Variants in SV2B observed in about 807,000 individuals in gnomAD.
SV2B encodes synaptic vesicle glycoprotein 2B, also known as solute carrier family 22 member B2.
In SV2B, 41 loss-of-function variants were observed where a neutral mutation model predicts 73.9. The ratio of observed to expected loss-of-function variants is 0.56; its 90% CI spans 0.43 to 0.72. The LOEUF (loss-of-function observed/expected upper bound fraction) is 0.72. Ranked by LOEUF, SV2B falls within the 30% of genes least tolerant of loss-of-function variation. The pLI is 0.00. For missense variants in SV2B, 764 were observed against 857.8 expected, an observed-to-expected ratio of 0.89 and a Z score of 1.37; for synonymous variants, 314 against 314.2, an observed-to-expected ratio of 1.00 and a Z score of 0.01.
chr15:91,281,103 A>G lies in SV2B; in HGVS notation c.1374-625A>G, dbSNP rs1276356666. ...CATTGTTGTTACAAGCAGTGTTACA[A>G]TGAAGATCAGTGAATGTATCTCTTT... On this transcript the variant is annotated intron_variant, in intron 9 of 12. Transcript: ENST00000394232. This position sits in a 1 kb window ranked among gnomAD's most constrained non-coding sequence, Gnocchi z 4.7. Among the ~76,000 whole-genome samples the G allele has an allele frequency of 6.6e-6, 1 of 152,254 alleles. No homozygotes were observed. Among genetic ancestry groups the G allele is most frequent in the Non-Finnish European group, 1.5e-5 (1 of 68,044 alleles).
At position 91,118,753 on chromosome 15, in the gene SV2B, G is replaced by T. The variant is rs2042246803; in HGVS notation, c.-392+18390G>T. The stretch of plus-strand genomic sequence containing the variant: ...CCAAACCAGAGCCATGCCAGGGAGG[G>T]ACATCTCTCTGTCATCATCATCATA... On this transcript the variant is annotated intron_variant, in intron 1 of 12. Transcript: ENST00000394232. The surrounding 1 kb of genome is among the most constrained non-coding windows in gnomAD (Gnocchi z 4.7). 1.3e-5 allele frequency among the ~76,000 whole-genome samples: 2 copies of T among 152,210 alleles called. No homozygotes were observed. The highest frequency in any genetic ancestry group is 6.5e-5 in the Admixed American group (1 of 15,278).
In SV2B at chr15:91,129,728, T is replaced by TAA. The variant is rs1403237203; in HGVS notation, c.-392+29366_-392+29367dup. On this transcript the variant is annotated intron_variant, in intron 1 of 12. Transcript: ENST00000394232. This position sits in a 1 kb window ranked among gnomAD's most constrained non-coding sequence, Gnocchi z 5.1. ...ATACGGTCTGTGGATGGAGGCAGTA[T>TAA]AACTTCGTGGCTTCTGGCCTGTGCC... 2.0e-5 allele frequency among the ~76,000 whole-genome samples: 3 copies of TAA among 152,304 alleles called. No homozygotes were observed. Among genetic ancestry groups the TAA allele is most frequent in the African/African-American group, 7.2e-5 (3 of 41,570 alleles).
At position 91,216,476 on chromosome 15, in the gene SV2B, G is replaced by GT. The variant is rs200164286; in HGVS notation, c.-391-9390dup. On this transcript the variant is annotated intron_variant, in intron 1 of 12. Coordinates refer to ENST00000394232, the MANE Select transcript of SV2B (RefSeq NM_001323032.3). ...ATTTTCTTTCTTTTCTTTTTTTTTT[G>GT]TTTTTTTGTTTTTTGAGATGGAGTC... is the stretch of plus-strand genomic sequence containing the variant. Among the ~76,000 whole-genome samples the GT allele has an allele frequency of 6.8e-4, 102 of 148,966 alleles. No homozygotes were observed. The East Asian group carries it at 7.2e-3, about 11-fold the overall frequency.
intron 1 of SV2B, among the ~76,000 whole-genome samples, chr15:91,207,091 C>T (rs1041056131): frequency 2.6e-5 from 4 of 151,718 alleles, no homozygotes; most frequent in Non-Finnish European, 5.9e-5. Flanking sequence ...AGCATGAGAT[C>T]CTAGCTCTCA....
intron 1 of SV2B, among the ~76,000 whole-genome samples, chr15:91,203,095 A>G (rs2045517513): frequency 6.6e-6 from 1 of 152,204 alleles, no homozygotes; most frequent in Non-Finnish European, 1.5e-5. Flanking sequence ...GTGCCTGCCT[A>G]AGAACCTCTA....
At position 91,294,457 on chromosome 15, in the gene SV2B, T is replaced by C. The variant is rs2049151391; in HGVS notation, c.*1905T>C. 2 of 152,080 alleles carry C rather than the reference T, an allele frequency of 1.3e-5. No homozygotes were observed. The highest frequency in any genetic ancestry group is 4.1e-4 in the South Asian group (2 of 4,822). 9.4% of individuals were successfully genotyped at this position (152,080 alleles called of 1,614,324 possible). ...CTGGACACCCTGATTCCTCCAAATATATATACCACTGTGTATTAATCTTTC... is the reference window on the plus strand; with the variant it reads ...CTGGACACCCTGATTCCTCCAAATACATATACCACTGTGTATTAATCTTTC... On this transcript the variant is annotated 3_prime_UTR_variant, in exon 13 of 13. Coordinates refer to ENST00000394232, the MANE Select transcript of SV2B (RefSeq NM_001323032.3). This position sits in a 1 kb window ranked among gnomAD's most constrained non-coding sequence, Gnocchi z 4.1.
At chr15:91,207,870 C>T (rs2045701831) in intron 1 of SV2B, among the ~76,000 whole-genome samples, 1 of 152,140 alleles carries the variant, frequency 6.6e-6, no homozygotes, top group Non-Finnish European at 1.5e-5. Flanking sequence ...ACAATTCTCC[C>T]TCTCAGGTAT....
Position 91,226,575 on chromosome 15 carries a change from T to C in SV2B, c.312T>C (p.His104=). 1 of 1,614,206 alleles carries C rather than the reference T, an allele frequency of 6.2e-7. No homozygotes were observed. Among genetic ancestry groups the C allele is most frequent in the South Asian group, 1.1e-5 (1 of 91,082 alleles). Residue 104 remains histidine (H), a synonymous_variant, in exon 2 of 13, where the codon CAT becomes CAC. Transcript: ENST00000394232. The stretch of plus-strand genomic sequence containing the variant: ...AGACCATCATGGATGAGTGTGGCCA[T>C]GGCCGCTTCCAGTGGATCCTCTTTT... The part of the protein sequence containing the change: ...QYETIMDECG[H]GRFQWILFFV...
chr15:91,210,265 G>T (rs2045806729), intron 1 of SV2B, among the ~76,000 whole-genome samples: 1 of 152,046 alleles, frequency 6.6e-6, no homozygotes, highest in South Asian at 2.1e-4. Flanking sequence ...GTTTCCAGAG[G>T]CTGGGAGAGC....
chr15:91,134,327 T>C (rs1003759), intron 1 of SV2B, among the ~76,000 whole-genome samples: 61,438 of 151,856 alleles, frequency 0.4, 13,737 homozygotes, highest in African/African-American at 0.56. Context: ...ATCACTCAAC[T>C]TCTTCTTTCC....
chr15:91,166,658 T>A (rs1475774571), intron 1 of SV2B, among the ~76,000 whole-genome samples: 1 of 152,080 alleles, frequency 6.6e-6, no homozygotes, highest in Admixed American at 6.5e-5. Flanking sequence ...TTTTATATCC[T>A]CTATTATTCA....
rs1323081595 is a variant in SV2B, at chr15:91,121,932, C to A, written c.-392+21569C>A. On this transcript the variant is annotated intron_variant, in intron 1 of 12. Coordinates refer to ENST00000394232, the MANE Select transcript of SV2B (RefSeq NM_001323032.3). This position sits in a 1 kb window ranked among gnomAD's most constrained non-coding sequence, Gnocchi z 4.4. ...TGGGACTACAGGTGCCTGCCACCAC[C>A]CCCAGCTAATTTTTTGTATTTTTAG... Among the ~76,000 whole-genome samples the A allele has an allele frequency of 6.6e-6, 1 of 151,870 alleles. No homozygotes were observed. The highest frequency in any genetic ancestry group is 1.5e-5 in the Non-Finnish European group (1 of 67,962).
chr15:91,226,628 A>G lies in SV2B; in HGVS notation c.365A>G (p.Asp122Gly). The G allele has an allele frequency of 6.2e-7, 1 of 1,614,064 alleles. No homozygotes were observed. Among genetic ancestry groups the G allele is most frequent in the Non-Finnish European group, 8.5e-7 (1 of 1,179,984 alleles). Residue 122 changes from aspartate (D) to glycine (G), a missense_variant, in exon 2 of 13, where the codon GAT becomes GGT. By Grantham distance (94) the Asp-to-Gly change is moderately conservative. Coordinates refer to ENST00000394232, the MANE Select transcript of SV2B (RefSeq NM_001323032.3). Reference sequence around the variant, plus strand: ...GTCTTGGGTTTGGCCCTGATGGCCGATGGGGTGGAAGTGTTCGTGGTGAGT... The same window carrying G: ...GTCTTGGGTTTGGCCCTGATGGCCGGTGGGGTGGAAGTGTTCGTGGTGAGT... The part of the protein sequence containing the change: ...FFVLGLALMA[D>G]GVEVFVVSFA...
chr15:91,199,334 C>T (rs1396087942), intron 1 of SV2B, among the ~76,000 whole-genome samples: 1 of 152,078 alleles, frequency 6.6e-6, no homozygotes, highest in Non-Finnish European at 1.5e-5. Flanking sequence ...AGGGGGCAGA[C>T]CCAGGTCTAA....
intron 1 of SV2B, among the ~76,000 whole-genome samples, chr15:91,111,628 T>C (rs2151728843): frequency 6.6e-6 from 1 of 152,218 alleles, no homozygotes; most frequent in East Asian, 1.9e-4. Flanking sequence ...CATGTAGACC[T>C]GAAAATGCAT....
rs1264433748 is a variant in SV2B, at chr15:91,295,726, TG to T, written c.*3175del. 6.6e-6 allele frequency: 1 copy of T among 152,190 alleles called. No individual in the cohort carries two copies. Among genetic ancestry groups the T allele is most frequent in the African/African-American group, 2.4e-5 (1 of 41,442 alleles). The allele number at this position is 152,190 out of a possible 1,614,324, so 9.4% of individuals were successfully genotyped here. A position where few individuals can be genotyped will look rare whatever the true frequency, so the allele number is the denominator to read the frequency against. ...TATTCCCTTGATGGCTTTACTATAA[TG>T]AGAGGAAGCATCAGTTTAAACATAA... is the stretch of plus-strand genomic sequence containing the variant. On this transcript the variant is annotated 3_prime_UTR_variant, in exon 13 of 13. Transcript: ENST00000394232.
intron 6 of SV2B, among the ~76,000 whole-genome samples, chr15:91,263,229 C>G (rs1360204236): frequency 1.7e-5 from 2 of 116,002 alleles, no homozygotes; most frequent in African/African-American, 1.2e-4. Context: ...CACAGACACA[C>G]AGACAGAGAC....
rs56175742 is a variant in SV2B, at chr15:91,267,767, G to A, written c.1208+124G>A. 0.3 allele frequency: 233,969 copies of A among 790,812 alleles called. 43,141 individuals are homozygous for A. Among genetic ancestry groups the A allele is most frequent in the African/African-American group, 0.77 (44,036 of 57,424 alleles). The allele number at this position is 790,812 out of a possible 1,614,324, so 49.0% of individuals were successfully genotyped here. On this transcript the variant is annotated intron_variant, in intron 8 of 12. Transcript: ENST00000394232. The surrounding 1 kb of genome is among the most constrained non-coding windows in gnomAD (Gnocchi z 4.3). ...AGGTAGGATGCTTTGGTGGCAAGTA[G>A]CAGAAAACCAACTCTAGTGGCTTCT...
chr15:91,159,615 T>C (rs1396641787), intron 1 of SV2B, among the ~76,000 whole-genome samples: 2 of 152,252 alleles, frequency 1.3e-5, no homozygotes, highest in East Asian at 1.9e-4. Flanking sequence ...CATTGAAAGA[T>C]AGAAGACATT....
Sources: gnomAD v4.1 joint callset for allele counts (sites outside exome capture counted in the v4.1 genomes callset) on GRCh38, gnomAD v4.1.1 for gene constraint, Gnocchi (gnomAD v3.1) non-coding constraint, MANE v1.5 for transcripts, NCBI Gene and HGNC (gene_info 2026-07-23, HGNC 2026-07-21) for gene names.